KCNK9: variants seen among roughly 807,000 people sequenced by gnomAD.
KCNK9 encodes the protein potassium two pore domain channel subfamily K member 9.
A neutral mutation model predicts 10.8 loss-of-function variants in KCNK9; 1 was observed. The ratio of observed to expected loss-of-function variants is 0.09; its 90% confidence interval spans 0.03 to 0.44. The LOEUF (loss-of-function observed/expected upper bound fraction) is 0.44. Ranked by LOEUF, KCNK9 falls within the 20% of genes least tolerant of loss-of-function variation. The pLI is 0.97. For missense variants in KCNK9, 303 were observed against 515.0 expected (o/e 0.59, Z 3.98); for synonymous variants, 231 against 222.7 (o/e 1.04, Z -0.33).
chr8:139,659,385 A>G (rs1169016939), intron 1 of KCNK9, among the ~76,000 whole-genome samples: 1 of 152,254 alleles, frequency 6.6e-6, no homozygotes. Flanking sequence ...CCTTTGCCTC[A>G]GACACATTGA....
At chr8:139,678,888 G>A (rs575119189) in intron 1 of KCNK9, among the ~76,000 whole-genome samples, 5 of 152,120 alleles carry the variant, frequency 3.3e-5, no homozygotes, top group African/African-American at 7.2e-5. Flanking sequence ...TCATCCACAG[G>A]GCACAGCTAA....
At chr8:139,696,555 C>T (rs1817056476) in intron 1 of KCNK9, among the ~76,000 whole-genome samples, 1 of 152,100 alleles carries the variant, frequency 6.6e-6, no homozygotes, top group Non-Finnish European at 1.5e-5. Context: ...CACAGGGCTC[C>T]CACCCAGCAC....
At chr8:139,648,930 T>C in intron 1 of KCNK9, among the ~76,000 whole-genome samples, 1 of 152,250 alleles carries the variant, frequency 6.6e-6, no homozygotes, top group Non-Finnish European at 1.5e-5. Flanking sequence ...GGTAATCATC[T>C]TAGCATACAA....
intron 1 of KCNK9, among the ~76,000 whole-genome samples, chr8:139,623,034 T>C (rs1020240378): frequency 2.6e-5 from 4 of 152,200 alleles, no homozygotes; most frequent in African/African-American, 9.7e-5. Flanking sequence ...AGAACACACA[T>C]GACACAGGCT....
chr8:139,600,884 A>T (rs1414906606), downstream of KCNK9: 2 of 152,230 alleles, frequency 1.3e-5, no homozygotes, highest in African/African-American at 2.4e-5. Context: ...CATCACATAC[A>T]TTATCTCAGT....
rs574208239 is a variant in KCNK9, at chr8:139,693,489, C to T, written c.283+9221G>A. 6.6e-5 allele frequency among the ~76,000 whole-genome samples: 10 copies of T among 152,208 alleles called. No homozygotes were observed. The highest frequency in any genetic ancestry group is 2.6e-4 in the Admixed American group (4 of 15,278). The stretch of plus-strand genomic sequence containing the variant: ...CTCAGCTCTCAGCTGCTCCTGCTCT[C>T]GGGGAGCCAGGAGTACCAGCCAGTG... On this transcript the variant is annotated intron_variant, in intron 1 of 1. Transcript: ENST00000520439. This position sits in a 1 kb window ranked among gnomAD's most constrained non-coding sequence, Gnocchi z 4.1.
At chr8:139,698,539 G>A (rs1053477194) in intron 1 of KCNK9, among the ~76,000 whole-genome samples, 1 of 152,234 alleles carries the variant, frequency 6.6e-6, no homozygotes, top group African/African-American at 2.4e-5. Context: ...TGCTAAGCAG[G>A]GTGGCAGGGA....
chr8:139,642,626 C>T (rs1815538291), intron 1 of KCNK9, among the ~76,000 whole-genome samples: 1 of 152,214 alleles, frequency 6.6e-6, no homozygotes, highest in African/African-American at 2.4e-5. Flanking sequence ...AGGCAAAGAG[C>T]ACAGATGCAG....
At chr8:139,639,469 C>T (rs761681229) in intron 1 of KCNK9, among the ~76,000 whole-genome samples, 4 of 152,186 alleles carry the variant, frequency 2.6e-5, no homozygotes, top group African/African-American at 7.2e-5. Context: ...CCAAAGCACC[C>T]GTGGAGACTC....
At chr8:139,626,049 G>A (rs944272536) in intron 1 of KCNK9, among the ~76,000 whole-genome samples, 8 of 152,154 alleles carry the variant, frequency 5.3e-5, no homozygotes, top group African/African-American at 1.7e-4. Context: ...GACCATAAGA[G>A]GCACCTGTTC....
intron 1 of KCNK9, among the ~76,000 whole-genome samples, chr8:139,640,837 T>A (rs1005239396): frequency 6.6e-6 from 1 of 152,232 alleles, no homozygotes; most frequent in African/African-American, 2.4e-5. Context: ...CATGCCACGT[T>A]CTGCGGTTGC....
chr8:139,699,552 C>T (rs545873914), intron 1 of KCNK9, among the ~76,000 whole-genome samples: 2 of 152,326 alleles, frequency 1.3e-5, no homozygotes, highest in East Asian at 3.9e-4. Flanking sequence ...GAAATAGCTA[C>T]AAGTGGCACA....
downstream of KCNK9, among the ~76,000 whole-genome samples, chr8:139,616,215 A>C (rs1282601188): frequency 1.3e-5 from 2 of 152,208 alleles, no homozygotes; most frequent in Non-Finnish European, 2.9e-5. Flanking sequence ...CTGAAGCATA[A>C]AGCATTCTGC....
At chr8:139,701,691 C>G (rs1225216728) in intron 1 of KCNK9, among the ~76,000 whole-genome samples, 2 of 152,184 alleles carry the variant, frequency 1.3e-5, no homozygotes, top group Non-Finnish European at 2.9e-5. Context: ...GGCAAGTGAA[C>G]CACAGAGACA....
intron 1 of KCNK9, among the ~76,000 whole-genome samples, chr8:139,688,022 A>G (rs553629889): frequency 3.9e-5 from 6 of 151,960 alleles, no homozygotes; most frequent in African/African-American, 1.4e-4. Flanking sequence ...CCTAACATTA[A>G]TGTGTGTGTG....
intron 1 of KCNK9, among the ~76,000 whole-genome samples, chr8:139,625,468 TGGA>T (rs1206529459): frequency 6.6e-6 from 1 of 152,190 alleles, no homozygotes; most frequent in African/African-American, 2.4e-5. Flanking sequence ...GAGCCCAGCA[TGGA>T]GGAGAAGGCA....
chr8:139,692,484 T>G (rs570311845), intron 1 of KCNK9, among the ~76,000 whole-genome samples: 1 of 152,256 alleles, frequency 6.6e-6, no homozygotes, highest in African/African-American at 2.4e-5. Context: ...GAGAGCTATT[T>G]GGGGATTCAA....
intron 1 of KCNK9, among the ~76,000 whole-genome samples, chr8:139,652,966 C>T (rs1053613674): frequency 2.6e-5 from 4 of 152,208 alleles, no homozygotes; most frequent in South Asian, 2.1e-4. Context: ...GGCTGATGCA[C>T]GTACAAGCAT....
intron 1 of KCNK9, among the ~76,000 whole-genome samples, chr8:139,631,513 C>T (rs116609531): frequency 1.6e-3 from 237 of 152,294 alleles, no homozygotes; most frequent in African/African-American, 5.2e-3. Flanking sequence ...GCAGGCTGGG[C>T]GCCCACACCT....
Sources: gnomAD v4.1 joint callset for allele counts (sites outside exome capture counted in the v4.1 genomes callset) on GRCh38, gnomAD v4.1.1 for gene constraint, Gnocchi (gnomAD v3.1) non-coding constraint, MANE v1.5 for transcripts, NCBI Gene and HGNC (gene_info 2026-07-23, HGNC 2026-07-21) for gene names.